Variants in CCM2 observed in about 807,000 individuals in gnomAD.
CCM2 encodes CCM2 scaffold protein.
CCM2 carries 25 observed loss-of-function variants against 44.9 expected under a neutral mutation model. The observed-to-expected ratio is 0.56, with a 90% CI of 0.41 to 0.78. CCM2 has a LOEUF of 0.78. Ranked by LOEUF, CCM2 falls within the 30% of genes least tolerant of loss-of-function variation. The probability of loss-of-function intolerance (pLI) is 0.00; values close to 1 mark genes in which losing one functional copy is unlikely to be tolerated. For synonymous variants in CCM2, 219 were observed against 241.1 expected, an observed-to-expected ratio of 0.91 and a Z score of 0.85; for missense variants, 481 against 580.6, an observed-to-expected ratio of 0.83 and a Z score of 1.76.
intron 1 of CCM2, among the ~76,000 whole-genome samples, chr7:45,008,922 A>G (rs560452673): frequency 6.6e-6 from 1 of 152,260 alleles, no homozygotes; most frequent in East Asian, 1.9e-4. Context: ...CCTCTCACTT[A>G]GTATTGTCCG....
At chr7:45,050,409 A>G (rs1583932376) in intron 2 of CCM2, among the ~76,000 whole-genome samples, 1 of 152,194 alleles carries the variant, frequency 6.6e-6, no homozygotes, top group Non-Finnish European at 1.5e-5. Flanking sequence ...TGCAACTAAT[A>G]CTGCCATATT....
intron 1 of CCM2, chr7:45,027,255 C>G: frequency 3.5e-6 from 1 of 287,970 alleles, no homozygotes; most frequent in Non-Finnish European, 6.8e-6. Context: ...GTGTTTCCAC[C>G]CTTCGTATGA....
chr7:45,069,850 C>T lies in CCM2; in HGVS notation c.634C>T (p.Leu212=), dbSNP rs754030131. Residue 212 remains leucine, a synonymous_variant, in exon 6 of 10, where the codon CTG becomes TTG. Transcript: ENST00000258781. ...SKVAAEELCC[L]LGQVFQVVYT... The stretch of plus-strand genomic sequence containing the variant: ...GGTCGCTGCGGAGGAGCTTTGCTGT[C>T]TGCTAGGCCAGGTCTTCCAGGTTGT... 6.2e-7 allele frequency: 1 copy of T among 1,614,106 alleles called. No individual in the cohort carries two copies. The highest frequency in any genetic ancestry group is 8.5e-7 in the Non-Finnish European group (1 of 1,180,050).
intron 1 of CCM2, among the ~76,000 whole-genome samples, chr7:45,007,743 G>C (rs540254645): frequency 6.6e-6 from 1 of 152,224 alleles, no homozygotes; most frequent in Admixed American, 6.5e-5. Flanking sequence ...ACCCAAGGAG[G>C]TTTTTCACTT....
intron 1 of CCM2, among the ~76,000 whole-genome samples, chr7:45,001,178 G>A (rs1252256364): frequency 1.3e-5 from 2 of 152,200 alleles, no homozygotes; most frequent in Non-Finnish European, 2.9e-5. Flanking sequence ...CTGCAGGGAA[G>A]TGTCCTTTAA....
chr7:45,044,042 G>T (rs1279799370), intron 2 of CCM2, among the ~76,000 whole-genome samples: 1 of 152,142 alleles, frequency 6.6e-6, no homozygotes, highest in Admixed American at 6.5e-5. Context: ...TTTAGTTTGT[G>T]ATCTTGCCTT....
At chr7:45,002,070 A>C (rs1206620259) in intron 1 of CCM2, among the ~76,000 whole-genome samples, 1 of 152,196 alleles carries the variant, frequency 6.6e-6, no homozygotes, top group African/African-American at 2.4e-5. Flanking sequence ...GCCAGTTGCA[A>C]GCTGGCAGAA....
rs2128729101 is a variant in CCM2 at position 45,038,300 on chromosome 7, G to A, written c.78G>A (p.Lys26=). 6.2e-7 allele frequency: 1 copy of A among 1,614,182 alleles called. No individual in the cohort carries two copies. The stretch of plus-strand genomic sequence containing the variant: ...AACGAGTATTCCTAAAAGGTGAAAA[G>A]AGTAGAGATAAGAAAGCCCATGAGA... ...PFKRVFLKGE[K]SRDKKAHEKV... is the part of the protein sequence containing the mutation. The change falls in exon 2 of 10, where the codon AAG becomes AAA. Residue 26 remains lysine, a synonymous_variant. Coordinates refer to ENST00000258781, the MANE Select transcript of CCM2 (RefSeq NM_031443.4).
At position 45,019,012 on chromosome 7, in the gene CCM2, G is replaced by A. The variant is rs573257125; in HGVS notation, c.30+18649G>A. ...TGACCTCAGATGATCTGCCTGCCTCGGCCTCCCAAAGTGTTGGGATTATAG... is the reference window on the plus strand; with the variant it reads ...TGACCTCAGATGATCTGCCTGCCTCAGCCTCCCAAAGTGTTGGGATTATAG... On this transcript the variant is annotated intron_variant, in intron 1 of 9. Transcript: ENST00000258781. Among the ~76,000 whole-genome samples, 8 of 150,248 alleles carry A rather than the reference G, an allele frequency of 5.3e-5. No homozygotes were observed. The South Asian group carries it at 1.7e-3, about 32-fold the overall frequency.
intron 1 of CCM2, among the ~76,000 whole-genome samples, chr7:45,011,676 C>CA (rs1796073381): frequency 6.6e-6 from 1 of 151,982 alleles, no homozygotes; most frequent in Non-Finnish European, 1.5e-5. Flanking sequence ...CTCAGCCTCC[C>CA]AAGTAGCTGA....
chr7:45,074,024 A>G (rs1216528423), intron 8 of CCM2: 11 of 755,108 alleles, frequency 1.5e-5, no homozygotes, highest in Middle Eastern at 3.9e-4. Flanking sequence ...TGTCCCTCCC[A>G]TGCACTCTGT....
intron 1 of CCM2, among the ~76,000 whole-genome samples, chr7:45,005,635 C>T (rs761054123): frequency 1.3e-5 from 2 of 152,194 alleles, no homozygotes; most frequent in Non-Finnish European, 2.9e-5. Flanking sequence ...TGTTGGTTTA[C>T]GTGGTGGCGA....
intron 1 of CCM2, chr7:45,027,762 A>C: frequency 6.2e-7 from 1 of 1,614,178 alleles, no homozygotes; most frequent in East Asian, 2.2e-5. Context: ...AATTCCTCAA[A>C]CAGAATTTCA....
At chr7:45,030,114 G>A (rs1796891703) in intron 1 of CCM2, among the ~76,000 whole-genome samples, 1 of 152,168 alleles carries the variant, frequency 6.6e-6, no homozygotes, top group Admixed American at 6.5e-5. Context: ...TTCTTCAGGA[G>A]AGACTTAGGC....
intron 1 of CCM2, among the ~76,000 whole-genome samples, chr7:45,003,260 G>T (rs1253457090): frequency 4.6e-5 from 7 of 151,952 alleles, no homozygotes; most frequent in Non-Finnish European, 1.0e-4. Flanking sequence ...ATTTTTAGTA[G>T]AGACGGGGTT....
At chr7:45,015,727 C>T (rs1796238916) in intron 1 of CCM2, among the ~76,000 whole-genome samples, 1 of 152,098 alleles carries the variant, frequency 6.6e-6, no homozygotes, top group African/African-American at 2.4e-5. Context: ...GTTCCTTAAG[C>T]GTGGCCCTGA....
intron 1 of CCM2, among the ~76,000 whole-genome samples, chr7:45,015,390 C>T (rs1007167559): frequency 6.6e-6 from 1 of 152,180 alleles, no homozygotes; most frequent in African/African-American, 2.4e-5. Flanking sequence ...CTGCTGTTCC[C>T]TCCCCACAGT....
chr7:45,058,176 T>C (rs184279235), intron 2 of CCM2, among the ~76,000 whole-genome samples: 21 of 152,358 alleles, frequency 1.4e-4, no homozygotes, highest in African/African-American at 5.0e-4. Context: ...TTATACTTTT[T>C]GTTTCCTTCT....
chr7:45,002,586 A>G (rs953060793), intron 1 of CCM2, among the ~76,000 whole-genome samples: 1 of 148,980 alleles, frequency 6.7e-6, no homozygotes, highest in Non-Finnish European at 1.5e-5. Context: ...ACCTCGGCCC[A>G]TTTTCCTCAG....
Sources: gnomAD v4.1 joint callset for allele counts (sites outside exome capture counted in the v4.1 genomes callset) on GRCh38, gnomAD v4.1.1 for gene constraint, MANE v1.5 for transcripts, NCBI Gene and HGNC (gene_info 2026-07-23, HGNC 2026-07-21) for gene names.